DIAPH1: variants seen among roughly 807,000 people sequenced by gnomAD.
DIAPH1 encodes diaphanous related formin 1, also known as protein diaphanous homolog 1.
Under a neutral mutation model 140.7 loss-of-function variants are expected in DIAPH1, and 46 were observed. The observed-to-expected ratio is 0.33, with a 90% confidence interval of 0.26 to 0.42. The LOEUF (loss-of-function observed/expected upper bound fraction) is 0.42. DIAPH1 is among the 10% of genes least tolerant of loss of function. DIAPH1 has a pLI of 1.00. For missense variants in DIAPH1, 1,310 were observed against 1,558.7 expected (o/e 0.84, Z 2.69); for synonymous variants, 565 against 551.6 (o/e 1.02, Z -0.34).
intron 16 of DIAPH1, among the ~76,000 whole-genome samples, chr5:141,572,767 CAAAA>C (rs34465200): frequency 2.3e-5 from 3 of 132,432 alleles, no homozygotes; most frequent in Admixed American, 7.5e-5. Context: ...GACTCCAACT[CAAAA>C]AAAAAAAAAA....
At chr5:141,529,315 TAAC>T in intron 20 of DIAPH1, 42 bp from the exon 21 acceptor site, 1 of 1,516,642 alleles carries the variant, frequency 6.6e-7, no homozygotes, top group East Asian at 2.3e-5. Context: ...GGGAATTCGC[TAAC>T]AACTCAAGCC....
chr5:141,528,986 AAGTCAG>A (rs1442478486), intron 21 of DIAPH1, 45 bp from the exon 22 acceptor site: 10 of 1,613,298 alleles, frequency 6.2e-6, no homozygotes, highest in Non-Finnish European at 8.5e-6. Context: ...AAAGAGGGGG[AAGTCAG>A]AAAAAGATAC....
intron 18 of DIAPH1, chr5:141,564,326 C>G (rs183191215): frequency 6.6e-6 from 1 of 152,332 alleles, no homozygotes; most frequent in Admixed American, 6.5e-5. Flanking sequence ...CAGAGGTTGC[C>G]TCTCTCTAAC....
chr5:141,580,908 G>A, intron 7 of DIAPH1, 25 bp from the exon 8 acceptor site: 1 of 1,614,102 alleles, frequency 6.2e-7, no homozygotes, highest in Non-Finnish European at 8.5e-7. Flanking sequence ...AACAAAGAAA[G>A]GAGGCTGAAA....
chr5:141,612,057 A>C (rs2099901935), intron 1 of DIAPH1, among the ~76,000 whole-genome samples: 1 of 152,032 alleles, frequency 6.6e-6, no homozygotes, highest in South Asian at 2.1e-4. Flanking sequence ...ACGAGAGTGA[A>C]ACTCTGTCTC....
intron 18 of DIAPH1, among the ~76,000 whole-genome samples, chr5:141,544,543 A>T (rs1261407203): frequency 1.3e-5 from 2 of 152,228 alleles, no homozygotes; most frequent in Non-Finnish European, 1.5e-5. Context: ...ACCCAATTTT[A>T]AAAAATGGAC....
intron 1 of DIAPH1, among the ~76,000 whole-genome samples, chr5:141,602,649 T>C (rs921371191): frequency 3.3e-5 from 5 of 152,200 alleles, no homozygotes; most frequent in African/African-American, 1.2e-4. Flanking sequence ...GAATAAATAA[T>C]AAAACAGATA....
At chr5:141,526,484 C>G in intron 24 of DIAPH1, 23 bp from the exon 25 acceptor site, 6 of 1,613,886 alleles carry the variant, frequency 3.7e-6, no homozygotes, top group Non-Finnish European at 5.1e-6. Flanking sequence ...AGTAAAGGAC[C>G]AAGACCAAGA....
At chr5:141,534,183 CAT>C (rs2099888683) in intron 19 of DIAPH1, 150 bp downstream of exon 19, 1 of 655,934 alleles carries the variant, frequency 1.5e-6, no homozygotes, top group Non-Finnish European at 2.7e-6. Context: ...AGAAATTAAA[CAT>C]GATACTGAAA....
At chr5:141,571,472 C>A (rs1222456026) in intron 17 of DIAPH1, 36 bp from the exon 18 acceptor site, 3 of 1,595,686 alleles carry the variant, frequency 1.9e-6, no homozygotes, top group Admixed American at 1.7e-5. Flanking sequence ...AGAAGGCATC[C>A]AATATTGGAA....
chr5:141,538,856 C>T (rs991450201), intron 18 of DIAPH1, among the ~76,000 whole-genome samples: 4 of 152,224 alleles, frequency 2.6e-5, no homozygotes, highest in African/African-American at 9.7e-5. Context: ...ACATGAGCCA[C>T]CACACCCAGT....
chr5:141,516,549 C>T lies in DIAPH1; in HGVS notation c.*302G>A. 1 of 440,996 alleles carries T rather than the reference C, an allele frequency of 2.3e-6. No individual in the cohort carries two copies. Among genetic ancestry groups the T allele is most frequent in the East Asian group, 4.6e-5 (1 of 21,614 alleles). 27.3% of individuals were successfully genotyped at this position (440,996 alleles called of 1,614,324 possible). ...GGCTGGGCCTTGTCTGAGATGAGGC[C>T]CTCTGAGTAACAGAGAGGAGACAGG... On this transcript the variant is annotated 3_prime_UTR_variant, in exon 28 of 28. Transcript: ENST00000389054.
At chr5:141,615,396 G>A (rs1392658576) in intron 1 of DIAPH1, among the ~76,000 whole-genome samples, 1 of 130,030 alleles carries the variant, frequency 7.7e-6, no homozygotes, top group Non-Finnish European at 1.6e-5. Context: ...TCGCGCCACT[G>A]CACTGCAGCC....
chr5:141,604,494 G>A (rs1457421223), intron 1 of DIAPH1, among the ~76,000 whole-genome samples: 1 of 152,068 alleles, frequency 6.6e-6, no homozygotes, highest in African/African-American at 2.4e-5. Flanking sequence ...CCCAATCGCC[G>A]TAGCAACTGT....
chr5:141,573,021 T>C (rs2099895422), intron 16 of DIAPH1, among the ~76,000 whole-genome samples: 1 of 152,242 alleles, frequency 6.6e-6, no homozygotes, highest in Non-Finnish European at 1.5e-5. Context: ...ATAAAGAAGA[T>C]GCCTAATATC....
At chr5:141,556,322 G>GA (rs1005846584) in intron 18 of DIAPH1, among the ~76,000 whole-genome samples, 3 of 150,828 alleles carry the variant, frequency 2.0e-5, no homozygotes, top group East Asian at 1.9e-4. Context: ...AAGTATTCGG[G>GA]AAAAAAAAAG....
chr5:141,571,471 C>A lies in DIAPH1; in HGVS notation c.2474-35G>T, dbSNP rs1310057554. ...CAAAGTGCCAGGAGGGAGAAGGCAT[C>A]CAATATTGGAAAGAAATGGAAGGAA... On this transcript the variant is annotated intron_variant, in intron 17 of 27. Transcript: ENST00000389054. 21 of 1,596,386 alleles carry A rather than the reference C, an allele frequency of 1.3e-5. No individual in the cohort carries two copies. In the East Asian group the frequency reaches 4.5e-4, roughly 34 times the overall value.
chr5:141,518,027 C>T (rs945568156), intron 27 of DIAPH1, among the ~76,000 whole-genome samples: 2 of 152,114 alleles, frequency 1.3e-5, no homozygotes, highest in Non-Finnish European at 2.9e-5. Context: ...CTGTCTGGGA[C>T]GAAAGAAGCC....
chr5:141,573,935 T>G lies in DIAPH1; in HGVS notation c.1915A>C (p.Ile639Leu), dbSNP rs781398463. ...SPPSLPGGTA[I>L]SPPPPLSGDA... ...CCAGACAAAGGAGGGGGTGGAGAGA[T>G]AGCAGTACCTCCAGGTAAAGAAGGG... Residue 639 changes from isoleucine (I) to leucine (L), a missense_variant, in exon 16 of 28, where the codon ATC becomes CTC. By Grantham distance (5) the Ile-to-Leu change is conservative (BLOSUM62 2). Coordinates refer to ENST00000389054, the MANE Select transcript of DIAPH1 (RefSeq NM_005219.5). 16 of 1,538,908 alleles carry G rather than the reference T, an allele frequency of 1.0e-5. No homozygotes were observed. The African/African-American group carries it at 1.3e-4, about 13-fold the overall frequency.
Sources: allele counts gnomAD v4.1 joint callset (sites outside exome capture counted in the v4.1 genomes callset), GRCh38; gene constraint gnomAD v4.1.1; transcripts MANE v1.5; gene names NCBI Gene and HGNC (gene_info 2026-07-23, HGNC 2026-07-21).